Variants in KIRREL3 observed in about 807,000 individuals in gnomAD.
The protein encoded by KIRREL3 is kin of IRRE-like protein 3.
KIRREL3 carries 36 observed loss-of-function variants against 89.7 expected under a neutral mutation model. The observed-to-expected ratio is 0.40, with a 90% CI of 0.31 to 0.53. The LOEUF is 0.53. Among genes scored for constraint, KIRREL3 ranks in the 20% least tolerant of loss-of-function variants. KIRREL3 has a pLI of 0.49. For synonymous variants in KIRREL3, 445 were observed against 441.4 expected (o/e 1.01, Z -0.10); for missense variants, 864 against 1,056.6 (o/e 0.82, Z 2.53).
At chr11:126,695,291 A>T (rs1430794169) in intron 1 of KIRREL3, among the ~76,000 whole-genome samples, 1 of 151,672 alleles carries the variant, frequency 6.6e-6, no homozygotes, top group Non-Finnish European at 1.5e-5. Context: ...AAGATCACAA[A>T]GTTAGTGTTT....
At chr11:126,885,702 T>C (rs1213425816) in intron 1 of KIRREL3, among the ~76,000 whole-genome samples, 1 of 152,162 alleles carries the variant, frequency 6.6e-6, no homozygotes, top group African/African-American at 2.4e-5. Context: ...AATAAGAGAG[T>C]ATCACTTAGC....
rs1394811642 is a variant in KIRREL3, at chr11:126,729,619, G to A, written c.56-166707C>T. On this transcript the variant is annotated intron_variant, in intron 1 of 16. Coordinates refer to ENST00000525144, the MANE Select transcript of KIRREL3 (RefSeq NM_032531.4). The surrounding 1 kb of genome is among the most constrained non-coding windows in gnomAD (Gnocchi z 4.5). Reference sequence around the variant, plus strand: ...AGCTCCCTGGCATTTTGCTGCTGGAGCACGGAAGCAGTGCTGGCCAGGAGC... The same window carrying A: ...AGCTCCCTGGCATTTTGCTGCTGGAACACGGAAGCAGTGCTGGCCAGGAGC... Among the ~76,000 whole-genome samples the A allele has an allele frequency of 6.6e-6, 1 of 152,204 alleles. No homozygotes were observed. The highest frequency in any genetic ancestry group is 1.9e-4 in the East Asian group (1 of 5,186).
chr11:126,437,571 C>T (rs1211082904), intron 11 of KIRREL3, among the ~76,000 whole-genome samples: 1 of 140,112 alleles, frequency 7.1e-6, no homozygotes, highest in Non-Finnish European at 1.6e-5. Context: ...CACATGCCTG[C>T]ACATATGTGC....
Position 126,803,991 on chromosome 11 carries a change from G to A in KIRREL3, c.55+196464C>T, listed in dbSNP as rs189495855. ...CCAAACCAAAGAGGGAAGACAAGTGGCCTTTGTGGTTATGCATGTGTCTAT... is the reference window on the plus strand; with the variant it reads ...CCAAACCAAAGAGGGAAGACAAGTGACCTTTGTGGTTATGCATGTGTCTAT... On this transcript the variant is annotated intron_variant, in intron 1 of 16. Coordinates refer to ENST00000525144, the MANE Select transcript of KIRREL3 (RefSeq NM_032531.4). Among the ~76,000 whole-genome samples, 133 of 152,296 alleles carry A rather than the reference G, an allele frequency of 8.7e-4. 2 individuals are homozygous for A. Among genetic ancestry groups the A allele is most frequent in the African/African-American group, 2.9e-3 (121 of 41,552 alleles).
chr11:126,511,555 C>A (rs1052523233), intron 4 of KIRREL3, among the ~76,000 whole-genome samples: 14 of 152,252 alleles, frequency 9.2e-5, no homozygotes, highest in African/African-American at 3.4e-4. Flanking sequence ...ATGGGCATTG[C>A]GTCTTCTGCT....
In KIRREL3 at chr11:126,475,932, G is replaced by A. The variant is rs532255240; in HGVS notation, c.434-2466C>T. ...CTCCCCGACCAGGATGGAGGAGCTC[G>A]GGCTCCATGAGCTAGCTGAGGGCCT... On this transcript the variant is annotated intron_variant, in intron 4 of 16. Transcript: ENST00000525144. The surrounding 1 kb of genome is among the most constrained non-coding windows in gnomAD (Gnocchi z 7.5). 2.8e-4 allele frequency among the ~76,000 whole-genome samples: 42 copies of A among 152,160 alleles called. No homozygotes were observed. The highest frequency in any genetic ancestry group is 3.2e-4 in the Non-Finnish European group (22 of 68,004).
At position 126,739,451 on chromosome 11, in the gene KIRREL3, G is replaced by A. The variant is rs952527626; in HGVS notation, c.56-176539C>T. ...ATCTGGGTAAAGCAAAACAGCTCTTGAGTAGTATTTGCTCTGTCAGTCAGT... is the reference window on the plus strand; with the variant it reads ...ATCTGGGTAAAGCAAAACAGCTCTTAAGTAGTATTTGCTCTGTCAGTCAGT... On this transcript the variant is annotated intron_variant, in intron 1 of 16. Coordinates refer to ENST00000525144, the MANE Select transcript of KIRREL3 (RefSeq NM_032531.4). The surrounding 1 kb of genome is among the most constrained non-coding windows in gnomAD (Gnocchi z 5.5). 1.3e-5 allele frequency among the ~76,000 whole-genome samples: 2 copies of A among 152,204 alleles called. No individual in the cohort carries two copies. The highest frequency in any genetic ancestry group is 4.8e-5 in the African/African-American group (2 of 41,444).
At position 126,427,343 on chromosome 11, in the gene KIRREL3, A is replaced by G. The variant is rs1172630240; in HGVS notation, c.1807-1619T>C. On this transcript the variant is annotated intron_variant, in intron 15 of 16. Coordinates refer to ENST00000525144, the MANE Select transcript of KIRREL3 (RefSeq NM_032531.4). This position sits in a 1 kb window ranked among gnomAD's most constrained non-coding sequence, Gnocchi z 5.3. ...CTTTGCCCTTGAGGAGCTCTGGGATAACTGGGGAAGCTGACATGGAATTGG... is the reference window on the plus strand; with the variant it reads ...CTTTGCCCTTGAGGAGCTCTGGGATGACTGGGGAAGCTGACATGGAATTGG... 6.6e-6 allele frequency among the ~76,000 whole-genome samples: 1 copy of G among 152,200 alleles called. No homozygotes were observed. Among genetic ancestry groups the G allele is most frequent in the African/African-American group, 2.4e-5 (1 of 41,450 alleles).
rs1945587425 is a variant in KIRREL3 at position 126,664,929 on chromosome 11, A to G, written c.56-102017T>C. Among the ~76,000 whole-genome samples the G allele has an allele frequency of 6.6e-6, 1 of 152,150 alleles. No homozygotes were observed. The highest frequency in any genetic ancestry group is 3.2e-3 in the Middle Eastern group (1 of 316). Reference sequence around the variant, plus strand: ...AAACCTGTCCCCTCCAGGCAGAATGAACTGTGCTCTTACTCTGCAGCCTTC... The same window carrying G: ...AAACCTGTCCCCTCCAGGCAGAATGGACTGTGCTCTTACTCTGCAGCCTTC... On this transcript the variant is annotated intron_variant, in intron 1 of 16. Coordinates refer to ENST00000525144, the MANE Select transcript of KIRREL3 (RefSeq NM_032531.4). The surrounding 1 kb of genome is among the most constrained non-coding windows in gnomAD (Gnocchi z 5.4).
chr11:126,991,537 T>C lies in KIRREL3; in HGVS notation c.55+8918A>G, dbSNP rs1950035525. Among the ~76,000 whole-genome samples the C allele has an allele frequency of 6.6e-6, 1 of 152,172 alleles. No individual in the cohort carries two copies. The highest frequency in any genetic ancestry group is 1.5e-5 in the Non-Finnish European group (1 of 68,044). Reference sequence around the variant, plus strand: ...AAGGAGCTACTCAAGCAGTATGTCCTTAATTACTCTTCAGCCCCAAAGCCT... The same window carrying C: ...AAGGAGCTACTCAAGCAGTATGTCCCTAATTACTCTTCAGCCCCAAAGCCT... On this transcript the variant is annotated intron_variant, in intron 1 of 16. Coordinates refer to ENST00000525144, the MANE Select transcript of KIRREL3 (RefSeq NM_032531.4). The surrounding 1 kb of genome is among the most constrained non-coding windows in gnomAD (Gnocchi z 5.8).
chr11:126,487,339 C>T (rs976198762), intron 4 of KIRREL3, among the ~76,000 whole-genome samples: 1 of 152,128 alleles, frequency 6.6e-6, no homozygotes, highest in Non-Finnish European at 1.5e-5. Flanking sequence ...GTCACCTGCT[C>T]AGGAAGAAGA....
At chr11:126,806,724 T>A (rs113838236) in intron 1 of KIRREL3, among the ~76,000 whole-genome samples, 77 of 152,252 alleles carry the variant, frequency 5.1e-4, no homozygotes, top group African/African-American at 1.8e-3. Flanking sequence ...CGTGCAGATT[T>A]GTTACATAGG....
chr11:126,510,064 T>G (rs997879690), intron 4 of KIRREL3, among the ~76,000 whole-genome samples: 5 of 150,440 alleles, frequency 3.3e-5, no homozygotes, highest in Admixed American at 6.6e-5. Context: ...CTGCTCAAAT[T>G]GAGAACTTTG....
rs1272633075 is a variant in KIRREL3 at position 126,640,763 on chromosome 11, C to A, written c.56-77851G>T. Among the ~76,000 whole-genome samples, 1 of 152,120 alleles carries A rather than the reference C, an allele frequency of 6.6e-6. No individual in the cohort carries two copies. Among genetic ancestry groups the A allele is most frequent in the Admixed American group, 6.5e-5 (1 of 15,274 alleles). Reference sequence around the variant, plus strand: ...TATGAGGGGTCGCTCAGAATGGAGGCATGCATGAAAGAATATTCCTGGGTT... The same window carrying A: ...TATGAGGGGTCGCTCAGAATGGAGGAATGCATGAAAGAATATTCCTGGGTT... On this transcript the variant is annotated intron_variant, in intron 1 of 16. Transcript: ENST00000525144. This position sits in a 1 kb window ranked among gnomAD's most constrained non-coding sequence, Gnocchi z 4.9.
Position 126,456,360 on chromosome 11 carries a change from G to T in KIRREL3, c.837C>A (p.Val279=). The change falls in exon 7 of 17, where the codon GTC becomes GTA. Residue 279 remains valine (V), a synonymous_variant. Coordinates refer to ENST00000525144, the MANE Select transcript of KIRREL3 (RefSeq NM_032531.4). Reference sequence around the variant, plus strand: ...GCAGTGACTCTCACCTGTACTGGGTGACAGCTGGGTTGGCCTTTGCAGAGC... The same window carrying T: ...GCAGTGACTCTCACCTGTACTGGGTTACAGCTGGGTTGGCCTTTGCAGAGC... ...FHCSAKANPA[V]TQYRWAKRGQ... 6.3e-7 allele frequency: 1 copy of T among 1,584,152 alleles called. No homozygotes were observed. The highest frequency in any genetic ancestry group is 1.2e-5 in the South Asian group (1 of 86,136).
intron 1 of KIRREL3, among the ~76,000 whole-genome samples, chr11:126,859,476 C>A (rs1362038911): frequency 6.6e-6 from 1 of 152,082 alleles, no homozygotes; most frequent in Non-Finnish European, 1.5e-5. Flanking sequence ...CTGAACTGGA[C>A]AATGGATAGC....
chr11:126,553,213 G>T lies in KIRREL3; in HGVS notation c.133+9622C>A, dbSNP rs1032283202. On this transcript the variant is annotated intron_variant, in intron 2 of 16. Coordinates refer to ENST00000525144, the MANE Select transcript of KIRREL3 (RefSeq NM_032531.4). The surrounding 1 kb of genome is among the most constrained non-coding windows in gnomAD (Gnocchi z 4.7). ...TTATGGGCTTACAGTGTGTCCCTTG[G>T]TCTGAAGAAATGATGGTCAGCTGTC... is the stretch of plus-strand genomic sequence containing the variant. Among the ~76,000 whole-genome samples the T allele has an allele frequency of 2.6e-5, 4 of 152,164 alleles. No individual in the cohort carries two copies. Among genetic ancestry groups the T allele is most frequent in the African/African-American group, 9.7e-5 (4 of 41,424 alleles).
rs1945089177 is a variant in KIRREL3 at position 126,870,986 on chromosome 11, C to T, written c.55+129469G>A. Among the ~76,000 whole-genome samples the T allele has an allele frequency of 6.6e-6, 1 of 152,184 alleles. No individual in the cohort carries two copies. The highest frequency in any genetic ancestry group is 2.4e-5 in the African/African-American group (1 of 41,436). ...TCATTGCTCCAGAGAAGCAGGTCTG[C>T]CCATGCCCTGGAAGCTGGCTCAGTT... On this transcript the variant is annotated intron_variant, in intron 1 of 16. Coordinates refer to ENST00000525144, the MANE Select transcript of KIRREL3 (RefSeq NM_032531.4). This position sits in a 1 kb window ranked among gnomAD's most constrained non-coding sequence, Gnocchi z 4.4.
chr11:126,606,432 G>A lies in KIRREL3; in HGVS notation c.56-43520C>T, dbSNP rs1942891697. ...GTGAGGAGTGAGCAGATTATGACAT[G>A]TACATCCTTTGGAACACAGACCCAA... On this transcript the variant is annotated intron_variant, in intron 1 of 16. Coordinates refer to ENST00000525144, the MANE Select transcript of KIRREL3 (RefSeq NM_032531.4). This position sits in a 1 kb window ranked among gnomAD's most constrained non-coding sequence, Gnocchi z 4.6. Among the ~76,000 whole-genome samples, 1 of 152,172 alleles carries A rather than the reference G, an allele frequency of 6.6e-6. No individual in the cohort carries two copies. The highest frequency in any genetic ancestry group is 1.5e-5 in the Non-Finnish European group (1 of 68,040).
Sources: gnomAD v4.1 joint callset for allele counts (sites outside exome capture counted in the v4.1 genomes callset) on GRCh38, gnomAD v4.1.1 for gene constraint, Gnocchi (gnomAD v3.1) non-coding constraint, MANE v1.5 for transcripts, NCBI Gene and HGNC (gene_info 2026-07-23, HGNC 2026-07-21) for gene names.